Variants in WWOX observed in about 807,000 individuals in gnomAD.
The protein encoded by WWOX is WW domain containing oxidoreductase.
WWOX carries 69 observed loss-of-function variants against 46.2 expected under a neutral mutation model. The ratio of observed to expected loss-of-function variants is 1.49; its 90% CI spans 1.23 to 1.82. The LOEUF (loss-of-function observed/expected upper bound fraction) is 1.82. WWOX is among the 40% of genes most tolerant of loss of function. WWOX has a pLI of 0.00. For synonymous variants in WWOX, 359 were observed against 202.6 expected, an observed-to-expected ratio of 1.77 and a Z score of -6.56; for missense variants, 919 against 542.6, an observed-to-expected ratio of 1.69 and a Z score of -6.89.
intron 5 of WWOX, among the ~76,000 whole-genome samples, chr16:78,354,450 C>G (rs2081244677): frequency 6.6e-6 from 1 of 151,930 alleles, no homozygotes; most frequent in Non-Finnish European, 1.5e-5. Flanking sequence ...CCGCTCATTA[C>G]TGCAGTTTAA....
At chr16:78,889,570 A>C (rs1393669467) in intron 8 of WWOX, among the ~76,000 whole-genome samples, 1 of 152,148 alleles carries the variant, frequency 6.6e-6, no homozygotes, top group Non-Finnish European at 1.5e-5. Flanking sequence ...GGTCTCCACT[A>C]GGAGAAAACC....
chr16:78,278,635 C>T (rs1249166146), intron 5 of WWOX: 20 of 1,610,442 alleles, frequency 1.2e-5, no homozygotes, highest in Non-Finnish European at 1.6e-5. Context: ...CAGAAAAGTG[C>T]AGAATAAAAA....
intron 8 of WWOX, among the ~76,000 whole-genome samples, chr16:79,138,919 T>G (rs899806817): frequency 1.3e-5 from 2 of 152,150 alleles, no homozygotes; most frequent in African/African-American, 4.8e-5. Flanking sequence ...CAAGGAGAAT[T>G]CGACCAGGGT....
chr16:78,872,197 G>T (rs1274397095), intron 8 of WWOX, among the ~76,000 whole-genome samples: 1 of 152,186 alleles, frequency 6.6e-6, no homozygotes, highest in African/African-American at 2.4e-5. Flanking sequence ...CATAGAACCA[G>T]GCTGCCTGGA....
intron 5 of WWOX, among the ~76,000 whole-genome samples, chr16:78,171,796 A>C (rs2035170182): frequency 6.6e-6 from 1 of 152,196 alleles, no homozygotes; most frequent in East Asian, 1.9e-4. Context: ...ACCAGCAAGA[A>C]CTATATAAGC....
At chr16:78,993,064 C>T (rs890909811) in intron 8 of WWOX, among the ~76,000 whole-genome samples, 2 of 151,928 alleles carry the variant, frequency 1.3e-5, no homozygotes, top group Non-Finnish European at 2.9e-5. Context: ...TATAAATGCA[C>T]ATTTTCCCCT....
At chr16:78,732,034 A>G (rs1027261525) in intron 8 of WWOX, among the ~76,000 whole-genome samples, 8 of 151,942 alleles carry the variant, frequency 5.3e-5, no homozygotes, top group Admixed American at 2.0e-4. Context: ...CAAACAAACA[A>G]AACACTTTTT....
chr16:78,415,746 C>T (rs1333181929), intron 6 of WWOX, among the ~76,000 whole-genome samples: 5 of 152,184 alleles, frequency 3.3e-5, no homozygotes, highest in African/African-American at 7.2e-5. Context: ...CACCTCACTC[C>T]ACTCTTGCCA....
intron 8 of WWOX, among the ~76,000 whole-genome samples, chr16:78,936,685 G>C (rs1179589504): frequency 6.6e-6 from 1 of 151,898 alleles, no homozygotes. Flanking sequence ...ACGTACCCTA[G>C]GTAAGGAGAG....
intron 8 of WWOX, among the ~76,000 whole-genome samples, chr16:78,940,673 A>G (rs1375365575): frequency 1.2e-5 from 1 of 81,248 alleles, no homozygotes; most frequent in Non-Finnish European, 2.4e-5. Context: ...TCTTAGGTTA[A>G]CTTTTTTTTT....
intron 8 of WWOX, among the ~76,000 whole-genome samples, chr16:78,553,954 C>G (rs953502962): frequency 1.6e-4 from 25 of 152,018 alleles, no homozygotes; most frequent in Admixed American, 1.6e-3. Flanking sequence ...GGGTGTCATA[C>G]AGCAGAGGGC....
chr16:78,600,970 A>G (rs1217835230), intron 8 of WWOX, among the ~76,000 whole-genome samples: 1 of 152,082 alleles, frequency 6.6e-6, no homozygotes, highest in Non-Finnish European at 1.5e-5. Context: ...TGCCTTTCCT[A>G]CTAGAGCTTC....
intron 8 of WWOX, among the ~76,000 whole-genome samples, chr16:78,845,354 C>G (rs1055277846): frequency 6.6e-6 from 1 of 152,108 alleles, no homozygotes; most frequent in African/African-American, 2.4e-5. Flanking sequence ...TAGAAATTCA[C>G]AGACCACGGC....
chr16:78,945,296 T>C (rs1273855766), intron 8 of WWOX, among the ~76,000 whole-genome samples: 1 of 152,194 alleles, frequency 6.6e-6, no homozygotes, highest in Non-Finnish European at 1.5e-5. Flanking sequence ...CAAGCACGAT[T>C]TGAGTTGAGC....
chr16:78,344,298 C>T (rs2081061716), intron 5 of WWOX, among the ~76,000 whole-genome samples: 1 of 120,062 alleles, frequency 8.3e-6, no homozygotes, highest in Non-Finnish European at 2.0e-5. Flanking sequence ...GTGATAGCAC[C>T]CATTGCTTAA....
chr16:78,814,740 A>T (rs756479973), intron 8 of WWOX, among the ~76,000 whole-genome samples: 1 of 152,316 alleles, frequency 6.6e-6, no homozygotes, highest in East Asian at 1.9e-4. Flanking sequence ...TGTAACAACT[A>T]ATGTGACATG....
intron 8 of WWOX, among the ~76,000 whole-genome samples, chr16:78,479,851 G>T (rs567730432): frequency 6.6e-6 from 1 of 152,312 alleles, no homozygotes; most frequent in African/African-American, 2.4e-5. Context: ...CCAAGTAGAG[G>T]CCTCCAATAA....
chr16:78,632,877 C>T (rs964812131), intron 8 of WWOX, among the ~76,000 whole-genome samples: 15 of 151,886 alleles, frequency 9.9e-5, no homozygotes, highest in Non-Finnish European at 1.9e-4. Flanking sequence ...AAATTCTTGC[C>T]TGATCGCCTC....
At chr16:79,115,424 G>C (rs2049496733) in intron 8 of WWOX, among the ~76,000 whole-genome samples, 1 of 146,300 alleles carries the variant, frequency 6.8e-6, no homozygotes, top group African/African-American at 2.6e-5. Context: ...AGGAAGCCCA[G>C]AGTGAAGCCA....
Sources: allele counts gnomAD v4.1 joint callset (sites outside exome capture counted in the v4.1 genomes callset), GRCh38; gene constraint gnomAD v4.1.1; transcripts MANE v1.5; gene names NCBI Gene and HGNC (gene_info 2026-07-23, HGNC 2026-07-21).